Variants in CCDC3 observed in about 807,000 individuals in gnomAD.
CCDC3 encodes the protein coiled-coil domain-containing protein 3.
A neutral mutation model predicts 21.4 loss-of-function variants in CCDC3; 24 were observed. The observed-to-expected ratio is 1.12, with a 90% confidence interval of 0.81 to 1.58. CCDC3 has a LOEUF of 1.58. Ranked by LOEUF, CCDC3 falls within the 40% of genes most tolerant of loss-of-function variation. CCDC3 has a pLI of 0.00. For missense variants in CCDC3, 425 were observed against 360.9 expected (o/e 1.18, Z -1.44); for synonymous variants, 186 against 166.0 (o/e 1.12, Z -0.93).
intron 5 of CCDC3, among the ~76,000 whole-genome samples, chr10:13,026,767 A>C (rs1222800711): frequency 6.6e-6 from 1 of 152,186 alleles, no homozygotes; most frequent in Admixed American, 6.5e-5. Context: ...TAATCTCATA[A>C]TAGTCAACAT....
chr10:13,062,386 T>G (rs192735343), intron 4 of CCDC3, among the ~76,000 whole-genome samples: 31 of 152,222 alleles, frequency 2.0e-4, no homozygotes, highest in Non-Finnish European at 3.8e-4. Flanking sequence ...ATGCTTTTTT[T>G]GTACTGGATT....
At chr10:13,092,362 C>T (rs189290016) in intron 3 of CCDC3, among the ~76,000 whole-genome samples, 3 of 152,132 alleles carry the variant, frequency 2.0e-5, no homozygotes, top group Non-Finnish European at 4.4e-5. Flanking sequence ...TCTCTGAAAT[C>T]GTTGCAATGG....
At chr10:12,982,624 T>C (rs529593060) in intron 2 of CCDC3, among the ~76,000 whole-genome samples, 4 of 149,990 alleles carry the variant, frequency 2.7e-5, no homozygotes, top group Non-Finnish European at 5.9e-5. Context: ...TGAAATCCCA[T>C]CTCTACTAAA....
Position 13,018,960 on chromosome 10 carries a change from G to A in CCDC3, c.-1-20448C>T, listed in dbSNP as rs907349760. ...CTCAAAAAAGGAAAAAAGGCCGGGC[G>A]CAGTGGCTCACGCCTGTAATCCCAG... is the stretch of plus-strand genomic sequence containing the variant. On this transcript the variant is annotated intron_variant, in intron 5 of 6. Transcript: ENST00000378839. Among the ~76,000 whole-genome samples, 12 of 149,716 alleles carry A rather than the reference G, an allele frequency of 8.0e-5. 1 individual carries two copies. Among genetic ancestry groups the A allele is most frequent in the African/African-American group, 2.2e-4 (9 of 40,778 alleles).
At chr10:13,058,599 A>G in intron 4 of CCDC3, 1 of 640,618 alleles carries the variant, frequency 1.6e-6, no homozygotes, top group Non-Finnish European at 2.8e-6. Context: ...AATCCGTTTT[A>G]CCCTCTCGTC....
At chr10:13,090,935 A>C (rs1004599726) in intron 3 of CCDC3, among the ~76,000 whole-genome samples, 2 of 152,354 alleles carry the variant, frequency 1.3e-5, no homozygotes, top group Admixed American at 6.5e-5. Context: ...CTGACAGTGC[A>C]GCCTTCAGTC....
intron 2 of CCDC3, among the ~76,000 whole-genome samples, chr10:12,910,771 T>C (rs999562448): frequency 6.6e-6 from 1 of 151,850 alleles, no homozygotes; most frequent in African/African-American, 2.4e-5. Flanking sequence ...ATTTTTGTAT[T>C]TTTAGTAGAG....
intron 2 of CCDC3, among the ~76,000 whole-genome samples, chr10:12,912,079 A>G (rs1436771398): frequency 6.6e-6 from 1 of 152,210 alleles, no homozygotes; most frequent in East Asian, 1.9e-4. Flanking sequence ...TATCTCGACT[A>G]TTGTAAGTAA....
intron 2 of CCDC3, among the ~76,000 whole-genome samples, chr10:12,951,854 A>C (rs1326928668): frequency 1.3e-5 from 2 of 149,670 alleles, no homozygotes; most frequent in Non-Finnish European, 3.0e-5. Flanking sequence ...GCTACAGCCC[A>C]GAGCACATGG....
intron 2 of CCDC3, among the ~76,000 whole-genome samples, chr10:12,899,525 A>G (rs1834061426): frequency 6.6e-6 from 1 of 152,206 alleles, no homozygotes; most frequent in Non-Finnish European, 1.5e-5. Flanking sequence ...TTATTATATT[A>G]AAAGATTGGG....
chr10:12,904,689 C>T (rs1834144959), intron 2 of CCDC3, among the ~76,000 whole-genome samples: 1 of 151,980 alleles, frequency 6.6e-6, no homozygotes, highest in East Asian at 1.9e-4. Context: ...TGAAGTCTTC[C>T]TATAAGTTTC....
In CCDC3 at chr10:12,898,439, G is replaced by A; in HGVS notation, c.790C>T (p.Arg264Cys). The change falls in exon 3 of 3, where the codon CGC becomes TGC. Residue 264 changes from arginine (R) to cysteine (C), a missense_variant. Arg to Cys is a radical substitution (Grantham distance 180). Coordinates refer to ENST00000378825, the MANE Select transcript of CCDC3 (RefSeq NM_031455.4). ...LPHINARGPV[R>C]PPYLRG Reference sequence around the variant, plus strand: ...CGTTACCCCCGCAGGTAGGGGGGGCGCACGGGCCCCCGGGCATTGATGTGC... The same window carrying A: ...CGTTACCCCCGCAGGTAGGGGGGGCACACGGGCCCCCGGGCATTGATGTGC... 1.2e-6 allele frequency: 2 copies of A among 1,605,018 alleles called. No individual in the cohort carries two copies. The highest frequency in any genetic ancestry group is 1.7e-6 in the Non-Finnish European group (2 of 1,174,484).
intron 2 of CCDC3, among the ~76,000 whole-genome samples, chr10:12,947,211 G>C (rs1189852787): frequency 1.3e-5 from 2 of 151,596 alleles, no homozygotes; most frequent in Non-Finnish European, 2.9e-5. Flanking sequence ...GCAGTGGCAT[G>C]ATCTTGGCTC....
In CCDC3 at chr10:13,028,467, AGAG is replaced by A. The variant is rs1836254021; in HGVS notation, c.-2+21204_-2+21206del. Reference sequence around the variant, plus strand: ...CACACAACCCATAACAGAATTTAGAAGAGGAGTGAACCAGACCACCCAGACAGC... The same window carrying A: ...CACACAACCCATAACAGAATTTAGAAGAGTGAACCAGACCACCCAGACAGC... On this transcript the variant is annotated intron_variant, in intron 5 of 6. Coordinates refer to the CCDC3 transcript ENST00000378839. Among the ~76,000 whole-genome samples, 4 of 152,086 alleles carry A rather than the reference AGAG, an allele frequency of 2.6e-5. No individual in the cohort carries two copies. In the South Asian group the frequency reaches 8.3e-4, roughly 32 times the overall value.
At position 12,970,603 on chromosome 10, in the gene CCDC3, G is replaced by A. The variant is rs75016668; in HGVS notation, c.549+27735C>T. On this transcript the variant is annotated intron_variant, in intron 2 of 2. Coordinates refer to ENST00000378825, the MANE Select transcript of CCDC3 (RefSeq NM_031455.4). ...TAAATTAAAAGTCAGTCTGGGCCGG[G>A]TACGGTGGCTCACGCCTGTAATCCC... is the stretch of plus-strand genomic sequence containing the variant. 2.9e-3 allele frequency among the ~76,000 whole-genome samples: 436 copies of A among 152,316 alleles called. 9 individuals carry two copies. The East Asian group carries it at 0.046, about 16-fold the overall frequency.
intron 2 of CCDC3, among the ~76,000 whole-genome samples, chr10:12,980,439 C>A (rs911957369): frequency 6.6e-6 from 1 of 152,152 alleles, no homozygotes; most frequent in Non-Finnish European, 1.5e-5. Context: ...AATGTCCCCA[C>A]GGGTCTGTAA....
chr10:13,062,015 G>A (rs947600798), intron 4 of CCDC3, among the ~76,000 whole-genome samples: 2 of 132,150 alleles, frequency 1.5e-5, no homozygotes, highest in Non-Finnish European at 3.0e-5. Context: ...TTCAAAATAC[G>A]CAAAGAACCA....
chr10:12,932,979 G>C (rs1334428607), intron 2 of CCDC3, among the ~76,000 whole-genome samples: 1 of 152,174 alleles, frequency 6.6e-6, no homozygotes, highest in African/African-American at 2.4e-5. Flanking sequence ...TTTGGATGTT[G>C]AACCAGCTTT....
intron 2 of CCDC3, among the ~76,000 whole-genome samples, chr10:12,900,519 A>C (rs2131192867): frequency 1.0e-5 from 1 of 98,966 alleles, no homozygotes; most frequent in South Asian, 4.0e-4. Context: ...TCTACTAAAA[A>C]TACAAAAAAA....
Sources: allele counts gnomAD v4.1 joint callset (sites outside exome capture counted in the v4.1 genomes callset), GRCh38; gene constraint gnomAD v4.1.1; transcripts MANE v1.5; gene names NCBI Gene and HGNC (gene_info 2026-07-23, HGNC 2026-07-21).